AGBL4: variants seen among roughly 807,000 people sequenced by gnomAD.
AGBL4 encodes the protein AGBL carboxypeptidase 4, also known as cytosolic carboxypeptidase 6.
Under a neutral mutation model 66.4 loss-of-function variants are expected in AGBL4, and 58 were observed. The ratio of observed to expected loss-of-function variants is 0.87; its 90% CI spans 0.71 to 1.09. The LOEUF (loss-of-function observed/expected upper bound fraction) is 1.09. AGBL4 is among the 50% of genes least tolerant of loss of function. The pLI, the probability that AGBL4 is intolerant of heterozygous loss-of-function variation, is 0.00. For synonymous variants in AGBL4, 234 were observed against 222.9 expected (o/e 1.05, Z -0.44); for missense variants, 579 against 631.0 (o/e 0.92, Z 0.88).
At chr1:49,843,708 T>C (rs542235702) in intron 2 of AGBL4, among the ~76,000 whole-genome samples, 68 of 152,320 alleles carry the variant, frequency 4.5e-4, no homozygotes, top group African/African-American at 1.6e-3. Flanking sequence ...ACAGGTTCTA[T>C]GGTTAAGATG....
the AGBL4 span, among the ~76,000 whole-genome samples, chr1:48,524,319 A>G: frequency 8.0e-6 from 1 of 125,010 alleles, no homozygotes; most frequent in African/African-American, 4.1e-5. Context: ...CTGAAGAGAG[A>G]AAAAAAAAGA....
intron 6 of AGBL4, among the ~76,000 whole-genome samples, chr1:48,814,856 A>G (rs1646138081): frequency 6.6e-6 from 1 of 152,166 alleles, no homozygotes; most frequent in South Asian, 2.1e-4. Flanking sequence ...GTTCTGCAAT[A>G]AACATGGTGG....
At chr1:49,750,684 C>T (rs184121542) in intron 2 of AGBL4, among the ~76,000 whole-genome samples, 13 of 152,102 alleles carry the variant, frequency 8.5e-5, no homozygotes, top group East Asian at 1.9e-4. Context: ...TTGGGCAGTA[C>T]GGCCATTTTC....
chr1:49,393,462 C>T (rs931677902), intron 3 of AGBL4, among the ~76,000 whole-genome samples: 29 of 152,058 alleles, frequency 1.9e-4, no homozygotes, highest in African/African-American at 6.3e-4. Context: ...TGATTTTGTT[C>T]AGTTGATATA....
intron 11 of AGBL4, among the ~76,000 whole-genome samples, chr1:48,553,183 G>C (rs1300813930): frequency 6.6e-6 from 1 of 152,088 alleles, no homozygotes; most frequent in Non-Finnish European, 1.5e-5. Flanking sequence ...AGTTGACCGT[G>C]GCTCTGAAAA....
chr1:49,656,467 A>G (rs1385641851), intron 3 of AGBL4, among the ~76,000 whole-genome samples: 9 of 152,200 alleles, frequency 5.9e-5, no homozygotes, highest in South Asian at 2.1e-4. Context: ...AACTATTCCA[A>G]TCAATAGAAA....
intron 5 of AGBL4, among the ~76,000 whole-genome samples, chr1:49,045,127 C>T (rs1186425253): frequency 6.6e-6 from 1 of 152,182 alleles, no homozygotes; most frequent in African/African-American, 2.4e-5. Context: ...CACAACCAAA[C>T]TGCACACCAC....
At chr1:49,199,618 G>T in intron 4 of AGBL4, among the ~76,000 whole-genome samples, 1 of 152,142 alleles carries the variant, frequency 6.6e-6, no homozygotes, top group East Asian at 1.9e-4. Context: ...TAGACTACTA[G>T]TCTAGTCCTA....
chr1:49,212,526 G>A (rs748475515), intron 4 of AGBL4, among the ~76,000 whole-genome samples: 4 of 152,036 alleles, frequency 2.6e-5, no homozygotes, highest in African/African-American at 4.8e-5. Flanking sequence ...GCTTCCAAAC[G>A]AAACCAAATG....
At chr1:49,706,550 GT>G (rs1647230299) in intron 2 of AGBL4, among the ~76,000 whole-genome samples, 1 of 151,938 alleles carries the variant, frequency 6.6e-6, no homozygotes, top group Non-Finnish European at 1.5e-5. Flanking sequence ...ATCTCCTTCA[GT>G]TCTGCCCTGA....
intron 1 of AGBL4, among the ~76,000 whole-genome samples, chr1:49,950,128 GTATA>G (rs1373382793): frequency 7.5e-6 from 1 of 133,586 alleles, no homozygotes; most frequent in South Asian, 2.3e-4. Context: ...ACACATATGT[GTATA>G]TATATACACA....
intron 6 of AGBL4, among the ~76,000 whole-genome samples, chr1:48,821,971 A>C (rs1376703997): frequency 6.6e-6 from 1 of 152,226 alleles, no homozygotes; most frequent in Non-Finnish European, 1.5e-5. Flanking sequence ...AGTGTTGAAC[A>C]TCATTACTTG....
intron 3 of AGBL4, among the ~76,000 whole-genome samples, chr1:49,505,839 C>G (rs1648629926): frequency 6.6e-6 from 1 of 151,914 alleles, no homozygotes; most frequent in African/African-American, 2.4e-5. Flanking sequence ...TTTAGTCTCT[C>G]TCTTCTTAAT....
chr1:49,141,806 C>T (rs1012200657), intron 4 of AGBL4, among the ~76,000 whole-genome samples: 2 of 152,106 alleles, frequency 1.3e-5, no homozygotes, highest in Admixed American at 1.3e-4. Flanking sequence ...GAATGTAACA[C>T]GATGACTATG....
intron 4 of AGBL4, among the ~76,000 whole-genome samples, chr1:49,244,103 T>C (rs1253566041): frequency 6.6e-6 from 1 of 151,996 alleles, no homozygotes; most frequent in Admixed American, 6.6e-5. Context: ...TTAAGGCTTA[T>C]GCATCTTCAA....
chr1:48,638,675 T>C (rs1029606889), intron 8 of AGBL4, among the ~76,000 whole-genome samples: 4 of 152,214 alleles, frequency 2.6e-5, no homozygotes, highest in Admixed American at 2.0e-4. Context: ...AAAGTGGCTA[T>C]AGGACAAGAT....
At chr1:48,793,434 T>C (rs1178635484) in intron 6 of AGBL4, among the ~76,000 whole-genome samples, 3 of 152,190 alleles carry the variant, frequency 2.0e-5, no homozygotes, top group Non-Finnish European at 4.4e-5. Context: ...TCCTAAGGTT[T>C]ATCCATGTCA....
intron 3 of AGBL4, among the ~76,000 whole-genome samples, chr1:49,680,205 C>G (rs764243846): frequency 1.7e-4 from 26 of 151,560 alleles, no homozygotes; most frequent in Non-Finnish European, 3.7e-4. Flanking sequence ...CATGCACCAC[C>G]ACACCCAGCT....
In AGBL4 at chr1:48,742,877, G is replaced by T; in HGVS notation, c.635-79636C>A. 3.4e-6 allele frequency: 4 copies of T among 1,175,990 alleles called. No homozygotes were observed. The South Asian group carries it at 6.0e-5, about 18-fold the overall frequency. The allele number at this position is 1,175,990 out of a possible 1,614,324, so 72.8% of individuals were successfully genotyped here. A position where few individuals can be genotyped will look rare whatever the true frequency, so the allele number is the denominator to read the frequency against. The stretch of plus-strand genomic sequence containing the variant: ...ACACCATGGCACAAAAAATTTGCTA[G>T]CTTATTTTTGTCCATTGAACTACAC... On this transcript the variant is annotated intron_variant, in intron 6 of 13. Transcript: ENST00000371839.
Sources: gnomAD v4.1 joint callset for allele counts (sites outside exome capture counted in the v4.1 genomes callset) on GRCh38, gnomAD v4.1.1 for gene constraint, MANE v1.5 for transcripts, NCBI Gene and HGNC (gene_info 2026-07-23, HGNC 2026-07-21) for gene names.